The following MGST2 variants were observed in gnomAD, a reference collection of about 807,000 sequenced individuals.
MGST2 encodes the protein glutathione peroxidase MGST2.
Under a neutral mutation model 16.6 loss-of-function variants are expected in MGST2, and 9 were observed. The ratio of observed to expected loss-of-function variants is 0.54; its 90% CI spans 0.33 to 0.95. MGST2 has a LOEUF of 0.95. Ranked by LOEUF, MGST2 falls within the 40% of genes least tolerant of loss-of-function variation. The pLI, the probability that MGST2 is intolerant of heterozygous loss-of-function variation, is 0.03. For synonymous variants in MGST2, 79 were observed against 68.0 expected (o/e 1.16, Z -0.79); for missense variants, 159 against 175.1 (o/e 0.91, Z 0.52).
intron 4 of MGST2, 42 bp downstream of exon 4, chr4:139,703,578 CA>C (rs1727392977): frequency 6.4e-6 from 10 of 1,564,194 alleles, no homozygotes; most frequent in Non-Finnish European, 8.8e-6. Flanking sequence ...CAAAAAGTAG[CA>C]GGATAAGGTC....
downstream of MGST2, chr4:139,704,369 A>G: frequency 1.8e-6 from 1 of 561,368 alleles, no homozygotes; most frequent in South Asian, 2.0e-5. Flanking sequence ...TAGTTTTAGA[A>G]ATGCATGCTG....
rs1313161190 is a variant in MGST2 at position 139,715,670 on chromosome 4, C to T, written c.*48+11474C>T. 6.6e-6 allele frequency among the ~76,000 whole-genome samples: 1 copy of T among 152,082 alleles called. No individual in the cohort carries two copies. The highest frequency in any genetic ancestry group is 1.5e-5 in the Non-Finnish European group (1 of 68,026). On this transcript the variant is annotated intron_variant, in intron 5 of 5. Transcript: ENST00000616265. The surrounding 1 kb of genome is among the most constrained non-coding windows in gnomAD (Gnocchi z 4.4). ...ATTATTCATGCCTCCCCTTTTTAGA[C>T]CATATAGGGTAACTTCCTGACCTTG...
chr4:139,732,959 T>G (rs1473311061), intron 5 of MGST2, among the ~76,000 whole-genome samples: 1 of 152,240 alleles, frequency 6.6e-6, no homozygotes, highest in East Asian at 1.9e-4. Context: ...GATCTTACAC[T>G]AAAAAATGCC....
chr4:139,673,489 C>T (rs989102203), intron 1 of MGST2, among the ~76,000 whole-genome samples: 5 of 152,146 alleles, frequency 3.3e-5, no homozygotes, highest in African/African-American at 9.7e-5. Flanking sequence ...TCACTGCAGC[C>T]TTGTCCTCCC....
chr4:139,698,804 C>T (rs1727083477), intron 3 of MGST2, among the ~76,000 whole-genome samples: 1 of 151,566 alleles, frequency 6.6e-6, no homozygotes, highest in Admixed American at 6.6e-5. Context: ...TTATCTTTTC[C>T]TTTCTTCTTT....
chr4:139,717,122 T>G (rs891610942), intron 5 of MGST2: 1 of 152,498 alleles, frequency 6.6e-6, no homozygotes, highest in South Asian at 2.1e-4. Flanking sequence ...TACAAATAAC[T>G]TTTTTTAGAC....
chr4:139,713,226 C>G (rs939800363), intron 5 of MGST2, among the ~76,000 whole-genome samples: 1 of 152,116 alleles, frequency 6.6e-6, no homozygotes, highest in Non-Finnish European at 1.5e-5. Flanking sequence ...TCTGATACCC[C>G]CCAAACTCAA....
At position 139,735,380 on chromosome 4, in the gene MGST2, GGAA is replaced by G. The variant is rs1458560175; in HGVS notation, c.*49-4828_*49-4826del. Among the ~76,000 whole-genome samples the G allele has an allele frequency of 3.9e-5, 6 of 152,084 alleles. No homozygotes were observed. The highest frequency in any genetic ancestry group is 2.9e-5 in the Non-Finnish European group (2 of 68,006). ...CGACTTTTCTTCCAGCCGGAGGGGA[GGAA>G]GAATTCAAGTGGGGGAGGGCGCGGG... is the stretch of plus-strand genomic sequence containing the variant. On this transcript the variant is annotated intron_variant, in intron 5 of 5. Coordinates refer to the MGST2 transcript ENST00000616265. This position sits in a 1 kb window ranked among gnomAD's most constrained non-coding sequence, Gnocchi z 5.8.
chr4:139,713,515 TTGAC>T (rs1727819735), intron 5 of MGST2, among the ~76,000 whole-genome samples: 1 of 149,704 alleles, frequency 6.7e-6, no homozygotes, highest in South Asian at 2.1e-4. Flanking sequence ...AATAATTCAG[TTGAC>T]TGAGAAGAAA....
At chr4:139,713,856 C>A (rs1021042613) in intron 5 of MGST2, among the ~76,000 whole-genome samples, 3 of 152,064 alleles carry the variant, frequency 2.0e-5, no homozygotes, top group African/African-American at 7.2e-5. Flanking sequence ...CCCTGGCTAC[C>A]AATATGAAAG....
chr4:139,724,464 AG>A (rs758939841), intron 5 of MGST2, among the ~76,000 whole-genome samples: 3 of 151,744 alleles, frequency 2.0e-5, no homozygotes, highest in Non-Finnish European at 4.4e-5. Flanking sequence ...ATGCTACCTT[AG>A]ATCAGAAAAT....
the MGST2 span, among the ~76,000 whole-genome samples, chr4:139,746,234 T>C: frequency 6.6e-6 from 1 of 152,242 alleles, no homozygotes; most frequent in Non-Finnish European, 1.5e-5. Flanking sequence ...ACATGGCATG[T>C]ATTCCACTAA....
chr4:139,698,816 T>A (rs1403129971), intron 3 of MGST2, among the ~76,000 whole-genome samples: 1 of 151,696 alleles, frequency 6.6e-6, no homozygotes, highest in East Asian at 1.9e-4. Flanking sequence ...TTCTTCTTTC[T>A]TCATCTTCTT....
intron 5 of MGST2, among the ~76,000 whole-genome samples, chr4:139,732,311 T>C (rs1728756169): frequency 6.6e-6 from 1 of 152,226 alleles, no homozygotes; most frequent in Non-Finnish European, 1.5e-5. Flanking sequence ...TGGCTTGGGC[T>C]TGTGTTCCTC....
At chr4:139,719,716 C>T (rs1728152217) in intron 5 of MGST2, 1 of 1,613,578 alleles carries the variant, frequency 6.2e-7, no homozygotes, top group Non-Finnish European at 8.5e-7. Context: ...CCACGACTGA[C>T]TGGCTCAGTC....
At chr4:139,705,901 T>A (rs951960236), downstream of MGST2, among the ~76,000 whole-genome samples, 4 of 152,210 alleles carry the variant, frequency 2.6e-5, no homozygotes, top group African/African-American at 9.7e-5. Flanking sequence ...TTTCTTCATC[T>A]GTAAAATGAG....
At chr4:139,742,549 C>T (rs116373049), downstream of MGST2, among the ~76,000 whole-genome samples, 9,391 of 152,242 alleles carry the variant, frequency 0.062, 477 homozygotes, top group Admixed American at 0.14. Context: ...CTCTTAGTAT[C>T]GTCCCTATTA....
the MGST2 span, among the ~76,000 whole-genome samples, chr4:139,753,092 T>A: frequency 8.5e-5 from 13 of 152,166 alleles, no homozygotes; most frequent in Non-Finnish European, 1.6e-4. Flanking sequence ...GAAAAACAGA[T>A]TTGTAGAAAG....
chr4:139,665,936 T>A lies in MGST2; in HGVS notation c.-84T>A, dbSNP rs1730307115. On this transcript the variant is annotated 5_prime_UTR_variant, in exon 1 of 5. Transcript: ENST00000265498. ...CCCCCCACCCGGTCCCCAACTTTGT[T>A]TACCCGATAAGGAAGGTCAGCATTC... 1 of 1,405,886 alleles carries A rather than the reference T, an allele frequency of 7.1e-7. No homozygotes were observed. The highest frequency in any genetic ancestry group is 1.0e-6 in the Non-Finnish European group (1 of 995,856). 87.1% of individuals were successfully genotyped at this position (1,405,886 alleles called of 1,614,324 possible). A position where few individuals can be genotyped will look rare whatever the true frequency, so the allele number is the denominator to read the frequency against.
Sources: allele counts gnomAD v4.1 joint callset (sites outside exome capture counted in the v4.1 genomes callset), GRCh38; gene constraint gnomAD v4.1.1; non-coding constraint Gnocchi (gnomAD v3.1); transcripts MANE v1.5; gene names NCBI Gene and HGNC (gene_info 2026-07-23, HGNC 2026-07-21).